UNC13B: variants seen among roughly 807,000 people sequenced by gnomAD.
UNC13B encodes the protein protein unc-13 homolog B.
Under a neutral mutation model 211.0 loss-of-function variants are expected in UNC13B, and 144 were observed. The ratio of observed to expected loss-of-function variants is 0.68; its 90% CI spans 0.60 to 0.78. The LOEUF (loss-of-function observed/expected upper bound fraction) is 0.78. Ranked by LOEUF, UNC13B falls within the 30% of genes least tolerant of loss-of-function variation. The pLI, the probability that UNC13B is intolerant of heterozygous loss-of-function variation, is 0.00. For missense variants in UNC13B, 1,777 were observed against 2,002.0 expected, an observed-to-expected ratio of 0.89 and a Z score of 2.14; for synonymous variants, 709 against 725.8, an observed-to-expected ratio of 0.98 and a Z score of 0.37.
At chr9:35,236,730 C>G (rs1216012834) in intron 4 of UNC13B, 144 bp downstream of exon 4, 1 of 738,916 alleles carries the variant, frequency 1.4e-6, no homozygotes, top group Non-Finnish European at 2.3e-6. Flanking sequence ...CCTGCCTGTT[C>G]CTAACTTCAC....
chr9:35,268,094 C>G (rs1173828549), intron 7 of UNC13B, among the ~76,000 whole-genome samples: 1 of 152,178 alleles, frequency 6.6e-6, no homozygotes, highest in Non-Finnish European at 1.5e-5. Context: ...GACATCCAAC[C>G]TGTCTGGCTC....
rs375173512 is a variant in UNC13B, at chr9:35,206,817, T to C, written c.23-21198T>C. On this transcript the variant is annotated intron_variant, in intron 1 of 39. Coordinates refer to ENST00000635942, the MANE Select transcript of UNC13B (RefSeq NM_001371189.2). ...TGAACTGAGGAGGCGGAGTTTGCAG[T>C]GAGCTGAGATCGCGCCACTGCACTC... 7.8e-4 allele frequency among the ~76,000 whole-genome samples: 114 copies of C among 146,862 alleles called. 2 individuals carry two copies. In the South Asian group the frequency reaches 0.019, roughly 24 times the overall value.
At chr9:35,246,036 C>T (rs530973858) in intron 6 of UNC13B, among the ~76,000 whole-genome samples, 36 of 152,166 alleles carry the variant, frequency 2.4e-4, no homozygotes, top group East Asian at 7.7e-4. Context: ...TTTTAATGAT[C>T]GCCATTCTAA....
At chr9:35,327,472 A>G (rs1288899045) in intron 11 of UNC13B, among the ~76,000 whole-genome samples, 1 of 152,194 alleles carries the variant, frequency 6.6e-6, no homozygotes, top group African/African-American at 2.4e-5. Context: ...TAACCTGTTC[A>G]AGGGCCGGAG....
chr9:35,316,712 A>T (rs1830476278), intron 11 of UNC13B, among the ~76,000 whole-genome samples: 1 of 152,196 alleles, frequency 6.6e-6, no homozygotes, highest in African/African-American at 2.4e-5. Flanking sequence ...AGAAGAGGAA[A>T]AATTACTAGC....
At chr9:35,212,309 A>C (rs557168181) in intron 1 of UNC13B, among the ~76,000 whole-genome samples, 5 of 152,362 alleles carry the variant, frequency 3.3e-5, no homozygotes, top group Non-Finnish European at 7.3e-5. Context: ...GCACTGGCTC[A>C]TGCCTGTAAT....
At chr9:35,177,346 C>A (rs1382127752) in intron 1 of UNC13B, among the ~76,000 whole-genome samples, 3 of 151,990 alleles carry the variant, frequency 2.0e-5, no homozygotes, top group Admixed American at 2.0e-4. Flanking sequence ...GGAAAGTTAG[C>A]GGGAATAAGA....
chr9:35,261,404 T>C (rs1827263780), intron 7 of UNC13B, among the ~76,000 whole-genome samples: 1 of 152,156 alleles, frequency 6.6e-6, no homozygotes, highest in African/African-American at 2.4e-5. Flanking sequence ...TATAATACAG[T>C]CTATATTAAG....
intron 6 of UNC13B, among the ~76,000 whole-genome samples, chr9:35,254,172 A>C (rs1826677885): frequency 6.6e-6 from 1 of 152,244 alleles, no homozygotes; most frequent in African/African-American, 2.4e-5. Context: ...AAGAAATATA[A>C]TAAATATAGT....
At position 35,380,493 on chromosome 9, in the gene UNC13B, G is replaced by A. The variant is rs754392163; in HGVS notation, c.10229G>A (p.Arg3410His). 7.4e-6 allele frequency: 12 copies of A among 1,614,090 alleles called. No individual in the cohort carries two copies. The African/African-American group carries it at 8.0e-5, about 11-fold the overall frequency. Residue 3410 changes from arginine to histidine, a missense_variant, in exon 18 of 40, where the codon CGC becomes CAC. Physicochemically the swap from Arg to His is conservative, Grantham distance 29. Transcript: ENST00000635942. The part of the protein sequence containing the change: ...FHFECHNSSD[R>H]IKVRVWDEDD... ...AGTGAGTGCCACAACTCCTCTGACC[G>A]CATTAAGGTGCGTGTATGGGATGAG...
At chr9:35,351,838 C>T (rs1294181253) in intron 11 of UNC13B, 1 of 1,232,110 alleles carries the variant, frequency 8.1e-7, no homozygotes, top group East Asian at 3.2e-5. Context: ...CCTCATCTGT[C>T]AGCATTACCA....
chr9:35,299,749 G>A (rs1286022160), intron 8 of UNC13B, among the ~76,000 whole-genome samples: 2 of 151,862 alleles, frequency 1.3e-5, no homozygotes, highest in African/African-American at 4.8e-5. Flanking sequence ...CAATTTTATT[G>A]TTCTAGTCTT....
intron 5 of UNC13B, among the ~76,000 whole-genome samples, chr9:35,238,256 A>G (rs886131710): frequency 6.6e-6 from 1 of 152,334 alleles, no homozygotes. Context: ...ATAAAAATTC[A>G]AATAGTAAGG....
chr9:35,364,653 G>A, intron 11 of UNC13B: 1 of 1,372,794 alleles, frequency 7.3e-7, no homozygotes, highest in Non-Finnish European at 9.9e-7. Flanking sequence ...GTGTATGTGT[G>A]TGTGTGTGTG....
intron 7 of UNC13B, among the ~76,000 whole-genome samples, chr9:35,270,004 C>T (rs952601098): frequency 6.6e-6 from 1 of 151,922 alleles, no homozygotes; most frequent in African/African-American, 2.4e-5. Context: ...TTAACTAGAT[C>T]CTGTGTCCTT....
At chr9:35,173,115 CT>C (rs2131266939) in intron 1 of UNC13B, among the ~76,000 whole-genome samples, 2 of 152,240 alleles carry the variant, frequency 1.3e-5, no homozygotes, top group East Asian at 3.9e-4. Flanking sequence ...GGAGATCTGC[CT>C]AGCAACCAAT....
At chr9:35,300,129 C>T (rs1829600234) in intron 8 of UNC13B, 37 bp from the exon 9 acceptor site, 1 of 398,278 alleles carries the variant, frequency 2.5e-6, no homozygotes, top group Admixed American at 4.4e-5. Context: ...ACAGAATTCT[C>T]TACTGAGTTT....
chr9:35,256,008 G>A (rs1826861603), intron 6 of UNC13B, among the ~76,000 whole-genome samples: 2 of 152,142 alleles, frequency 1.3e-5, no homozygotes, highest in African/African-American at 4.8e-5. Context: ...GAAGCAAGAT[G>A]GAACTGGTTA....
intron 7 of UNC13B, among the ~76,000 whole-genome samples, chr9:35,260,919 G>A (rs1827238099): frequency 6.6e-6 from 1 of 152,132 alleles, no homozygotes; most frequent in South Asian, 2.1e-4. Context: ...TATAATTGAA[G>A]CGATTAAAGC....
Sources: gnomAD v4.1 joint callset for allele counts (sites outside exome capture counted in the v4.1 genomes callset) on GRCh38, gnomAD v4.1.1 for gene constraint, MANE v1.5 for transcripts, NCBI Gene and HGNC (gene_info 2026-07-23, HGNC 2026-07-21) for gene names.